Variants in CES5A observed in about 807,000 individuals in gnomAD.
The protein encoded by CES5A is carboxylesterase 5.
In CES5A, 67 loss-of-function variants were observed where a neutral mutation model predicts 62.9. The ratio of observed to expected loss-of-function variants is 1.07; its 90% CI spans 0.88 to 1.31. The LOEUF is 1.31. Among genes scored for constraint, CES5A ranks in the 50% most tolerant of loss-of-function variants. The probability of loss-of-function intolerance (pLI) is 0.00; values close to 1 mark genes in which losing one functional copy is unlikely to be tolerated. For synonymous variants in CES5A, 296 were observed against 280.8 expected, an observed-to-expected ratio of 1.05 and a Z score of -0.54; for missense variants, 748 against 708.5, an observed-to-expected ratio of 1.06 and a Z score of -0.63.
At chr16:55,916,851 C>G (rs1597148979) in intron 1 of CES5A, among the ~76,000 whole-genome samples, 1 of 152,350 alleles carries the variant, frequency 6.6e-6, no homozygotes, top group Admixed American at 6.5e-5. Context: ...CTCTTCCACT[C>G]CAGCTGCTGG....
intron 1 of CES5A, among the ~76,000 whole-genome samples, chr16:55,950,962 C>T (rs992091409): frequency 1.3e-5 from 2 of 151,608 alleles, no homozygotes; most frequent in East Asian, 1.9e-4. Context: ...ATTAGCCAGG[C>T]GTGGTGGTGG....
intron 4 of CES5A, 56 bp downstream of exon 4, chr16:55,869,555 C>T: frequency 6.3e-7 from 1 of 1,594,486 alleles, no homozygotes; most frequent in Admixed American, 1.7e-5. Flanking sequence ...CTGTCTATGG[C>T]TACTGCACTG....
At chr16:55,863,795 T>G (rs1567329160) in intron 5 of CES5A, among the ~76,000 whole-genome samples, 1 of 151,332 alleles carries the variant, frequency 6.6e-6, no homozygotes, top group African/African-American at 2.4e-5. Context: ...TCTCGCTCTG[T>G]GGCCAGGCTG....
chr16:55,920,863 C>A (rs763247780), intron 1 of CES5A, among the ~76,000 whole-genome samples: 18 of 152,214 alleles, frequency 1.2e-4, no homozygotes, highest in Non-Finnish European at 2.1e-4. Context: ...TCAGTGATCT[C>A]CAAGATAAAA....
At chr16:55,955,940 CAG>C in exon 1 of CES5A, 1 of 1,513,552 alleles carries the variant, frequency 6.6e-7, no homozygotes, top group Non-Finnish European at 8.9e-7. Flanking sequence ...GGCCTTGACA[CAG>C]AGCCCCAGTC....
intron 1 of CES5A, among the ~76,000 whole-genome samples, chr16:55,911,677 T>C (rs2034094195): frequency 6.6e-6 from 1 of 152,166 alleles, no homozygotes; most frequent in African/African-American, 2.4e-5. Context: ...TTTATTCCCA[T>C]AAATGTATTT....
intron 1 of CES5A, among the ~76,000 whole-genome samples, chr16:55,917,990 G>A (rs2034164482): frequency 2.0e-5 from 3 of 152,280 alleles, no homozygotes; most frequent in South Asian, 4.1e-4. Context: ...ATGGTTCTGG[G>A]AGAGAATTGG....
chr16:55,918,092 G>T (rs1205780407), intron 1 of CES5A, among the ~76,000 whole-genome samples: 1 of 152,080 alleles, frequency 6.6e-6, no homozygotes, highest in East Asian at 1.9e-4. Context: ...TATGCTGATG[G>T]GCAGGCACAG....
At chr16:55,918,103 A>T (rs1172504793) in intron 1 of CES5A, among the ~76,000 whole-genome samples, 4 of 152,166 alleles carry the variant, frequency 2.6e-5, no homozygotes, top group African/African-American at 9.7e-5. Flanking sequence ...GCAGGCACAG[A>T]GGTACCTGGA....
chr16:55,913,015 CA>C (rs1269145995), intron 1 of CES5A, among the ~76,000 whole-genome samples: 4 of 152,152 alleles, frequency 2.6e-5, no homozygotes, highest in Non-Finnish European at 4.4e-5. Flanking sequence ...TTTATCAAGA[CA>C]GGGGAATTGC....
In CES5A at chr16:55,875,144, C is replaced by T; in HGVS notation, c.73+5G>A. The T allele has an allele frequency of 6.2e-7, 1 of 1,613,976 alleles. No homozygotes were observed. The highest frequency in any genetic ancestry group is 8.5e-7 in the Non-Finnish European group (1 of 1,179,808). On this transcript the variant is annotated splice_donor_5th_base_variant and intron_variant, in intron 1 of 12. Coordinates refer to ENST00000290567, the MANE Select transcript of CES5A (RefSeq NM_001143685.2). The stretch of plus-strand genomic sequence containing the variant: ...AGAGCCCTCCTTTCCCATTGGATAT[C>T]TCACCTTTGGTGGGGGCTGCAAGGA...
chr16:55,912,595 A>C (rs2034105886), intron 1 of CES5A, among the ~76,000 whole-genome samples: 1 of 151,916 alleles, frequency 6.6e-6, no homozygotes, highest in African/African-American at 2.4e-5. Flanking sequence ...AAGGAGGAAG[A>C]CAAGGAGGAG....
chr16:55,948,407 A>G (rs1268340255), intron 2 of CES5A, among the ~76,000 whole-genome samples: 3 of 152,184 alleles, frequency 2.0e-5, no homozygotes, highest in Non-Finnish European at 2.9e-5. Context: ...TTTACATAAG[A>G]TAAAGTAAAC....
At chr16:55,921,145 T>C (rs960737422) in intron 1 of CES5A, among the ~76,000 whole-genome samples, 28 of 152,116 alleles carry the variant, frequency 1.8e-4, no homozygotes, top group Admixed American at 1.3e-4. Flanking sequence ...AGGCCAAATC[T>C]GAGAATTATT....
intron 1 of CES5A, among the ~76,000 whole-genome samples, chr16:55,889,786 C>A (rs2033856474): frequency 6.6e-6 from 1 of 152,096 alleles, no homozygotes; most frequent in Non-Finnish European, 1.5e-5. Context: ...CCTTGGTGAC[C>A]AGCTCCCATC....
At chr16:55,933,972 T>C (rs1305745226) in intron 2 of CES5A, among the ~76,000 whole-genome samples, 1 of 152,214 alleles carries the variant, frequency 6.6e-6, no homozygotes, top group Non-Finnish European at 1.5e-5. Flanking sequence ...GCCTTCTTGC[T>C]GTTCCTCCAA....
chr16:55,853,686 G>T (rs1398699121), intron 9 of CES5A, among the ~76,000 whole-genome samples: 2 of 152,156 alleles, frequency 1.3e-5, no homozygotes, highest in African/African-American at 4.8e-5. Context: ...TTTCCCCTGG[G>T]CCCCATTGCT....
intron 1 of CES5A, among the ~76,000 whole-genome samples, chr16:55,893,410 A>T (rs1402412847): frequency 6.6e-6 from 1 of 152,224 alleles, no homozygotes; most frequent in Non-Finnish European, 1.5e-5. Flanking sequence ...TAAATGACAA[A>T]AATATTGGTA....
chr16:55,907,580 G>A (rs1228487469), intron 1 of CES5A, among the ~76,000 whole-genome samples: 2 of 152,220 alleles, frequency 1.3e-5, no homozygotes, highest in African/African-American at 4.8e-5. Flanking sequence ...AAAAAAGCAT[G>A]CAATCAAATG....
Sources: allele counts gnomAD v4.1 joint callset (sites outside exome capture counted in the v4.1 genomes callset), GRCh38; gene constraint gnomAD v4.1.1; transcripts MANE v1.5; gene names NCBI Gene and HGNC (gene_info 2026-07-23, HGNC 2026-07-21).